FARP1: variants seen among roughly 807,000 people sequenced by gnomAD.
FARP1 encodes FERM, ARH/RhoGEF and pleckstrin domain protein 1, also known as FERM, ARHGEF and pleckstrin domain-containing protein 1.
Under a neutral mutation model 128.8 loss-of-function variants are expected in FARP1, and 52 were observed. That is an observed-to-expected ratio of 0.40 (90% CI 0.32 to 0.51). The LOEUF is 0.51. Ranked by LOEUF, FARP1 falls within the 20% of genes least tolerant of loss-of-function variation. The probability of loss-of-function intolerance (pLI) is 0.45; values close to 1 mark genes in which losing one functional copy is unlikely to be tolerated. For synonymous variants in FARP1, 580 were observed against 551.8 expected (o/e 1.05, Z -0.72); for missense variants, 1,333 against 1,367.9 (o/e 0.97, Z 0.40).
At chr13:98,173,046 T>A (rs1877762406) in intron 1 of FARP1, among the ~76,000 whole-genome samples, 1 of 152,190 alleles carries the variant, frequency 6.6e-6, no homozygotes, top group Non-Finnish European at 1.5e-5. Flanking sequence ...TAATAGTAGT[T>A]AAGGATATCT....
At chr13:98,274,058 G>C (rs1049536850) in intron 2 of FARP1, among the ~76,000 whole-genome samples, 5 of 152,168 alleles carry the variant, frequency 3.3e-5, no homozygotes, top group African/African-American at 1.2e-4. Flanking sequence ...TGAGGGGACA[G>C]ACTTTTCAGG....
chr13:98,232,268 A>G (rs1303822713), intron 2 of FARP1, among the ~76,000 whole-genome samples: 1 of 144,204 alleles, frequency 6.9e-6, no homozygotes, highest in African/African-American at 2.6e-5. Context: ...TTCAGATTTT[A>G]TTTACTTTTG....
chr13:98,385,444 G>C (rs896873311), intron 7 of FARP1, among the ~76,000 whole-genome samples: 67 of 152,320 alleles, frequency 4.4e-4, no homozygotes, highest in Admixed American at 4.4e-3. Context: ...GGCTGAGTTT[G>C]GAGACTTTTG....
At chr13:98,250,263 T>TA (rs533991892) in intron 2 of FARP1, among the ~76,000 whole-genome samples, 1 of 152,322 alleles carries the variant, frequency 6.6e-6, no homozygotes, top group East Asian at 1.9e-4. Flanking sequence ...TCTGAAACCA[T>TA]ATGTGTTTTG....
intron 3 of FARP1, chr13:98,345,471 T>C (rs1888140631): frequency 1.3e-5 from 2 of 152,252 alleles, no homozygotes; most frequent in Admixed American, 6.5e-5. Flanking sequence ...TGTAAGCCTA[T>C]TGTTCTTTCT....
intron 3 of FARP1, among the ~76,000 whole-genome samples, chr13:98,344,566 G>A (rs964648561): frequency 1.3e-5 from 2 of 152,156 alleles, no homozygotes; most frequent in Non-Finnish European, 2.9e-5. Flanking sequence ...TGGAGCACGG[G>A]AAAGAGATCT....
intron 2 of FARP1, among the ~76,000 whole-genome samples, chr13:98,256,974 T>C (rs1883644746): frequency 7.4e-6 from 1 of 136,040 alleles, no homozygotes; most frequent in South Asian, 2.3e-4. Context: ...TATATATATA[T>C]ATATATATAT....
At position 98,176,427 on chromosome 13, in the gene FARP1, C is replaced by T. The variant is rs780797199; in HGVS notation, c.-24+32935C>T. 2.5e-6 allele frequency: 4 copies of T among 1,614,198 alleles called. No homozygotes were observed. Among genetic ancestry groups the T allele is most frequent in the Admixed American group, 1.7e-5 (1 of 60,028 alleles). On this transcript the variant is annotated intron_variant, in intron 1 of 26. Coordinates refer to ENST00000319562, the MANE Select transcript of FARP1 (RefSeq NM_005766.4). The surrounding 1 kb of genome is among the most constrained non-coding windows in gnomAD (Gnocchi z 6.2). ...AGCTCTCGCAGAAATAATGCCTGCA[C>T]TTGGTGACGACTGGGTTTTGGAAGG...
rs186604526 is a variant in FARP1, at chr13:98,243,990, G to A, written c.171+30577G>A. 3.4e-4 allele frequency among the ~76,000 whole-genome samples: 52 copies of A among 152,108 alleles called. 1 individual carries two copies. The highest frequency in any genetic ancestry group is 1.2e-3 in the African/African-American group (50 of 41,516). ...AAAGGAAGCAAGTTTTCTCCCCTGA[G>A]CATCTTATTTCTAGATTTTTTTTTT... On this transcript the variant is annotated intron_variant, in intron 2 of 26. Coordinates refer to ENST00000319562, the MANE Select transcript of FARP1 (RefSeq NM_005766.4).
chr13:98,227,984 T>C (rs532367816), intron 2 of FARP1, among the ~76,000 whole-genome samples: 1 of 152,364 alleles, frequency 6.6e-6, no homozygotes, highest in South Asian at 2.1e-4. Flanking sequence ...GTACAGAGTT[T>C]GTTTTGCCAG....
chr13:98,325,715 T>C (rs961260748), intron 2 of FARP1, among the ~76,000 whole-genome samples: 2 of 152,222 alleles, frequency 1.3e-5, no homozygotes, highest in African/African-American at 2.4e-5. Flanking sequence ...CAAGAATATT[T>C]GTCATAATAT....
At chr13:98,308,172 C>T (rs572392068) in intron 2 of FARP1, among the ~76,000 whole-genome samples, 21 of 151,786 alleles carry the variant, frequency 1.4e-4, no homozygotes, top group Admixed American at 8.5e-4. Context: ...GAATATAGCA[C>T]GTATCACATT....
At chr13:98,420,859 C>G (rs6491424) in intron 16 of FARP1, among the ~76,000 whole-genome samples, 146,479 of 152,282 alleles carry the variant, frequency 0.96, 70,695 homozygotes, top group East Asian at 1. Flanking sequence ...TGGCTTTATA[C>G]ATTTGGAGGC....
Position 98,343,836 on chromosome 13 carries a change from C to T in FARP1, c.246C>T (p.Gly82=). 1.2e-6 allele frequency: 2 copies of T among 1,612,698 alleles called. No individual in the cohort carries two copies. The highest frequency in any genetic ancestry group is 1.7e-6 in the Non-Finnish European group (2 of 1,179,422). ...HLNLVEGDYF[G]LEFPDHKKIT... ...ACCTCGTGGAAGGTGACTATTTTGGCCTCGAGTTTCCTGATCACAAAAAGA... is the reference window on the plus strand; with the variant it reads ...ACCTCGTGGAAGGTGACTATTTTGGTCTCGAGTTTCCTGATCACAAAAAGA... The change falls in exon 3 of 27, where the codon GGC becomes GGT. Residue 82 remains glycine (G), a synonymous_variant. Coordinates refer to ENST00000319562, the MANE Select transcript of FARP1 (RefSeq NM_005766.4).
chr13:98,265,311 A>ATTTTTTTTTTTTTTTTTT (rs60809416), intron 2 of FARP1, among the ~76,000 whole-genome samples: 5 of 60,252 alleles, frequency 8.3e-5, no homozygotes, highest in African/African-American at 2.4e-4. Flanking sequence ...TCCTTCCTGA[A>ATTTTTTTTTTTTTTTTTT]TTTTTTTTTT....
At chr13:98,163,010 AC>A (rs905337629) in intron 1 of FARP1, among the ~76,000 whole-genome samples, 5 of 152,322 alleles carry the variant, frequency 3.3e-5, no homozygotes, top group East Asian at 1.9e-4. Context: ...TACCATAAGG[AC>A]ATAGGCACGT....
intron 2 of FARP1, among the ~76,000 whole-genome samples, chr13:98,247,896 G>T (rs1046471676): frequency 6.6e-6 from 1 of 152,244 alleles, no homozygotes; most frequent in African/African-American, 2.4e-5. Flanking sequence ...CTTGTGAAGA[G>T]CTGTGTATTG....
At chr13:98,206,176 GTTGT>G (rs1880250162) in intron 1 of FARP1, among the ~76,000 whole-genome samples, 1 of 86,432 alleles carries the variant, frequency 1.2e-5, no homozygotes, top group African/African-American at 4.3e-5. Context: ...ATGACTTGAG[GTTGT>G]GTGTGTGTGT....
chr13:98,286,082 T>A (rs1885152979), intron 2 of FARP1, among the ~76,000 whole-genome samples: 1 of 152,054 alleles, frequency 6.6e-6, no homozygotes, highest in African/African-American at 2.4e-5. Flanking sequence ...TATTCTTTCC[T>A]CGCTTAGAAC....
Sources: gnomAD v4.1 joint callset for allele counts (sites outside exome capture counted in the v4.1 genomes callset) on GRCh38, gnomAD v4.1.1 for gene constraint, Gnocchi (gnomAD v3.1) non-coding constraint, MANE v1.5 for transcripts, NCBI Gene and HGNC (gene_info 2026-07-23, HGNC 2026-07-21) for gene names.